Variants in STT3B observed in about 807,000 individuals in gnomAD.
STT3B encodes the protein STT3 oligosaccharyltransferase complex catalytic subunit B.
Under a neutral mutation model 96.8 loss-of-function variants are expected in STT3B, and 29 were observed. That is an observed-to-expected ratio of 0.30 (90% CI 0.22 to 0.41). The LOEUF is 0.41. Among genes scored for constraint, STT3B ranks in the 10% least tolerant of loss-of-function variants. The pLI, the probability that STT3B is intolerant of heterozygous loss-of-function variation, is 1.00. For synonymous variants in STT3B, 367 were observed against 360.0 expected (o/e 1.02, Z -0.22); for missense variants, 640 against 1,022.3 (o/e 0.63, Z 5.10).
intron 3 of STT3B, among the ~76,000 whole-genome samples, chr3:31,581,747 G>T (rs990668271): frequency 2.0e-5 from 3 of 152,138 alleles, no homozygotes; most frequent in African/African-American, 7.2e-5. Context: ...TCAGTTTTTG[G>T]AAAAGATTGA....
At chr3:31,585,250 A>C (rs1698509417) in intron 3 of STT3B, among the ~76,000 whole-genome samples, 1 of 152,070 alleles carries the variant, frequency 6.6e-6, no homozygotes, top group Non-Finnish European at 1.5e-5. Context: ...GATTGAGAGT[A>C]AAGTCTATAG....
At chr3:31,576,673 C>T (rs1479559234) in intron 2 of STT3B, among the ~76,000 whole-genome samples, 169 bp downstream of exon 2, 1 of 152,234 alleles carries the variant, frequency 6.6e-6, no homozygotes, top group South Asian at 2.1e-4. Flanking sequence ...TTGATACCTC[C>T]TCCCCTTAAT....
chr3:31,552,526 T>A (rs1317159936), intron 1 of STT3B, among the ~76,000 whole-genome samples: 2 of 152,020 alleles, frequency 1.3e-5, no homozygotes, highest in African/African-American at 2.4e-5. Context: ...CCTTTTTTTT[T>A]AAAGCATATT....
intron 3 of STT3B, among the ~76,000 whole-genome samples, chr3:31,590,962 T>A (rs761744597): frequency 6.6e-6 from 1 of 152,136 alleles, no homozygotes; most frequent in African/African-American, 2.4e-5. Flanking sequence ...TTCTGCTGTT[T>A]GGAGGTTGCA....
chr3:31,567,736 A>C (rs529100941), intron 1 of STT3B, among the ~76,000 whole-genome samples: 1 of 152,226 alleles, frequency 6.6e-6, no homozygotes, highest in African/African-American at 2.4e-5. Context: ...TAATAGATTT[A>C]TCTATTTATG....
intron 1 of STT3B, among the ~76,000 whole-genome samples, chr3:31,542,012 A>G (rs2125435344): frequency 6.6e-6 from 1 of 152,298 alleles, no homozygotes; most frequent in East Asian, 1.9e-4. Context: ...AAATTATCTC[A>G]AGGCTGAACC....
intron 1 of STT3B, among the ~76,000 whole-genome samples, chr3:31,560,618 T>A (rs12497410): frequency 0.17 from 25,528 of 152,076 alleles, 2,379 homozygotes; most frequent in East Asian, 0.25. Context: ...AGAAATCTTT[T>A]ATTAGTCTTA....
intron 1 of STT3B, among the ~76,000 whole-genome samples, chr3:31,552,395 AATGCTGT>A (rs1697583723): frequency 6.6e-6 from 1 of 152,206 alleles, no homozygotes; most frequent in African/African-American, 2.4e-5. Flanking sequence ...AAGAATGACC[AATGCTGT>A]CAAGGAACAT....
At chr3:31,574,757 G>GAAGGT in intron 1 of STT3B, among the ~76,000 whole-genome samples, 1 of 152,204 alleles carries the variant, frequency 6.6e-6, no homozygotes, top group African/African-American at 2.4e-5. Context: ...GTTCCACTGA[G>GAAGGT]AAGGTATTAA....
At chr3:31,558,754 T>A (rs1230820331) in intron 1 of STT3B, among the ~76,000 whole-genome samples, 2 of 152,182 alleles carry the variant, frequency 1.3e-5, no homozygotes, top group African/African-American at 2.4e-5. Flanking sequence ...TGTTTTTCCT[T>A]GAAAGTTTGG....
chr3:31,562,429 G>A (rs1486690677), intron 1 of STT3B, among the ~76,000 whole-genome samples: 39 of 152,184 alleles, frequency 2.6e-4, no homozygotes. Flanking sequence ...GTGATCACCA[G>A]AGATCATCCA....
intron 5 of STT3B, among the ~76,000 whole-genome samples, 149 bp from the exon 6 acceptor site, chr3:31,614,943 TAACATATGGTTAA>T (rs770933863): frequency 2.6e-5 from 4 of 151,940 alleles, no homozygotes; most frequent in Non-Finnish European, 5.9e-5. Context: ...TCAGAATCTG[TAACATATGGTTAA>T]CAAATGGACA....
rs150385641 is a variant in STT3B at position 31,548,720 on chromosome 3, G to T, written c.314+15408G>T. On this transcript the variant is annotated intron_variant, in intron 1 of 15. Coordinates refer to ENST00000295770, the MANE Select transcript of STT3B (RefSeq NM_178862.3). The stretch of plus-strand genomic sequence containing the variant: ...TTGCTGATATTTTCTGTTCGGAAAG[G>T]GGGTGAAGAACCTTCCCCCCTTTGA... 5.3e-5 allele frequency among the ~76,000 whole-genome samples: 8 copies of T among 152,046 alleles called. No individual in the cohort carries two copies. The South Asian group carries it at 1.2e-3, about 24-fold the overall frequency.
chr3:31,574,583 C>A (rs1239655366), intron 1 of STT3B, among the ~76,000 whole-genome samples: 3 of 152,026 alleles, frequency 2.0e-5, no homozygotes, highest in African/African-American at 7.3e-5. Context: ...AAATTCTGAT[C>A]TGGTAAATAC....
chr3:31,553,392 G>C (rs1697618571), intron 1 of STT3B, among the ~76,000 whole-genome samples: 1 of 152,084 alleles, frequency 6.6e-6, no homozygotes, highest in Admixed American at 6.6e-5. Context: ...TTCAGAAGGG[G>C]AATGGATTGT....
chr3:31,576,644 G>A (rs1173939094), intron 2 of STT3B, 140 bp downstream of exon 2: 1 of 476,322 alleles, frequency 2.1e-6, no homozygotes, highest in African/African-American at 2.0e-5. Flanking sequence ...CCAGTATTCA[G>A]TTTACTTAGG....
At position 31,604,334 on chromosome 3, in the gene STT3B, A is replaced by G. The variant is rs145917819; in HGVS notation, c.877+3875A>G. 1.2e-3 allele frequency among the ~76,000 whole-genome samples: 190 copies of G among 152,270 alleles called. 2 individuals are homozygous for G. The highest frequency in any genetic ancestry group is 6.8e-3 in the Middle Eastern group (2 of 294). On this transcript the variant is annotated intron_variant, in intron 5 of 15. Coordinates refer to ENST00000295770, the MANE Select transcript of STT3B (RefSeq NM_178862.3). ...ATTGAGTACATTAAAAGTAAAGCCA[A>G]ATTATTAGGAGTCACATTTATACTT... is the stretch of plus-strand genomic sequence containing the variant.
At chr3:31,586,432 TC>T (rs1575427198) in intron 3 of STT3B, among the ~76,000 whole-genome samples, 1 of 152,218 alleles carries the variant, frequency 6.6e-6, no homozygotes, top group East Asian at 1.9e-4. Flanking sequence ...TTTCAATAGA[TC>T]TTGCTCTTGG....
At chr3:31,596,942 T>C (rs545194490) in intron 4 of STT3B, 79 bp downstream of exon 4, 1 of 1,066,176 alleles carries the variant, frequency 9.4e-7, no homozygotes, top group East Asian at 2.4e-5. Context: ...CTGAAGTCTG[T>C]AGGATTTTTA....
Sources: allele counts gnomAD v4.1 joint callset (sites outside exome capture counted in the v4.1 genomes callset), GRCh38; gene constraint gnomAD v4.1.1; transcripts MANE v1.5; gene names NCBI Gene and HGNC (gene_info 2026-07-23, HGNC 2026-07-21).